Variants in DPP6 observed in about 807,000 individuals in gnomAD.
DPP6 encodes the protein dipeptidyl peptidase like 6.
A neutral mutation model predicts 122.6 loss-of-function variants in DPP6; 69 were observed. The observed-to-expected ratio is 0.56, with a 90% CI of 0.46 to 0.69. The LOEUF is 0.69. DPP6 is among the 30% of genes least tolerant of loss of function. The pLI is 0.00. For missense variants in DPP6, 928 were observed against 1,116.9 expected (o/e 0.83, Z 2.41); for synonymous variants, 418 against 433.1 (o/e 0.97, Z 0.43).
chr7:154,017,624 C>T (rs531308107), intron 1 of DPP6, among the ~76,000 whole-genome samples: 17 of 150,230 alleles, frequency 1.1e-4, no homozygotes, highest in Admixed American at 8.0e-4. Context: ...TGCTTGAGCC[C>T]GGAATTTTAA....
chr7:154,186,334 G>T (rs1022723109), intron 1 of DPP6, among the ~76,000 whole-genome samples: 15 of 152,228 alleles, frequency 9.9e-5, no homozygotes, highest in Non-Finnish European at 1.8e-4. Context: ...TGATGGATCA[G>T]AGTCACTTGT....
chr7:153,955,267 T>C (rs1390592595), intron 1 of DPP6, among the ~76,000 whole-genome samples: 2 of 152,190 alleles, frequency 1.3e-5, no homozygotes, highest in African/African-American at 4.8e-5. Context: ...AATATTTGTC[T>C]AGATGGCTTC....
chr7:154,254,336 A>G (rs893067094), intron 1 of DPP6, among the ~76,000 whole-genome samples: 3 of 152,218 alleles, frequency 2.0e-5, no homozygotes, highest in Admixed American at 6.5e-5. Flanking sequence ...CCAAATCTAA[A>G]GAATTTCACT....
At chr7:153,864,096 A>G in the DPP6 span, among the ~76,000 whole-genome samples, 3 of 152,100 alleles carry the variant, frequency 2.0e-5, no homozygotes, top group African/African-American at 7.2e-5. Context: ...TTGGGTATAT[A>G]CTCAGGATTG....
At chr7:154,484,791 T>C (rs1179227678) in intron 3 of DPP6, among the ~76,000 whole-genome samples, 1 of 152,186 alleles carries the variant, frequency 6.6e-6, no homozygotes, top group African/African-American at 2.4e-5. Flanking sequence ...GACTGTAAAA[T>C]TGAAGAAAAT....
intron 1 of DPP6, among the ~76,000 whole-genome samples, chr7:154,066,558 G>A (rs1356757358): frequency 2.0e-5 from 3 of 152,192 alleles, no homozygotes; most frequent in Non-Finnish European, 4.4e-5. Flanking sequence ...GGCAGCTTAA[G>A]TGGTGGGAGG....
At chr7:154,293,646 C>G (rs932397470) in intron 1 of DPP6, among the ~76,000 whole-genome samples, 1 of 152,076 alleles carries the variant, frequency 6.6e-6, no homozygotes, top group African/African-American at 2.4e-5. Context: ...TAAATGTTTT[C>G]TAGTTCATGT....
chr7:154,550,814 G>A (rs1032358941), intron 4 of DPP6, among the ~76,000 whole-genome samples: 3 of 148,080 alleles, frequency 2.0e-5, no homozygotes, highest in African/African-American at 7.5e-5. Context: ...GCAATGGCGC[G>A]ATCTCGGCTC....
chr7:154,428,314 C>CT (rs1563653232), intron 1 of DPP6, among the ~76,000 whole-genome samples: 1 of 152,100 alleles, frequency 6.6e-6, no homozygotes, highest in South Asian at 2.1e-4. Context: ...TGGATGTCTT[C>CT]TTTTTTAGCA....
intron 4 of DPP6, among the ~76,000 whole-genome samples, chr7:154,543,893 C>G (rs954174520): frequency 6.6e-6 from 1 of 150,588 alleles, no homozygotes; most frequent in African/African-American, 2.4e-5. Context: ...ACTTGGGAAG[C>G]CGAGGCAAGA....
At chr7:153,875,243 G>C in the DPP6 span, among the ~76,000 whole-genome samples, 1 of 152,178 alleles carries the variant, frequency 6.6e-6, no homozygotes, top group African/African-American at 2.4e-5. Flanking sequence ...TGCCAAAATA[G>C]AACTCCATAT....
the DPP6 span, among the ~76,000 whole-genome samples, chr7:153,830,327 G>A: frequency 6.6e-6 from 1 of 152,128 alleles, no homozygotes; most frequent in African/African-American, 2.4e-5. Context: ...TTGGTCATTG[G>A]ATTTTCATTA....
At chr7:154,430,906 TTAA>T (rs1040401411) in intron 1 of DPP6, among the ~76,000 whole-genome samples, 20 of 151,752 alleles carry the variant, frequency 1.3e-4, no homozygotes, top group Non-Finnish European at 2.2e-4. Context: ...TTTCGTTAAG[TTAA>T]GTCTTCCATT....
At chr7:154,004,246 A>G (rs1486489699) in intron 1 of DPP6, among the ~76,000 whole-genome samples, 2 of 152,202 alleles carry the variant, frequency 1.3e-5, no homozygotes, top group Non-Finnish European at 2.9e-5. Context: ...GTCAGTTAGT[A>G]AATCAATCAA....
chr7:154,782,291 A>G (rs1158839917), intron 10 of DPP6, among the ~76,000 whole-genome samples: 1 of 152,184 alleles, frequency 6.6e-6, no homozygotes, highest in Non-Finnish European at 1.5e-5. Context: ...TTTTGGTATC[A>G]TGCTCTTTTT....
intron 5 of DPP6, chr7:154,587,891 T>A (rs1563899544): frequency 6.2e-7 from 1 of 1,612,772 alleles, no homozygotes; most frequent in Non-Finnish European, 8.5e-7. Context: ...AGACCCTGGC[T>A]GGAGGATTGC....
At chr7:154,240,025 A>G (rs1298868640) in intron 1 of DPP6, among the ~76,000 whole-genome samples, 17 of 128,332 alleles carry the variant, frequency 1.3e-4, no homozygotes, top group Admixed American at 3.9e-4. Context: ...AAAAAAAAAA[A>G]AAAAAAAAAA....
At chr7:154,778,437 T>C (rs1796717934) in intron 10 of DPP6, among the ~76,000 whole-genome samples, 1 of 151,868 alleles carries the variant, frequency 6.6e-6, no homozygotes, top group Admixed American at 6.6e-5. Context: ...AACTCAGCCT[T>C]CTCTCTTTCC....
At chr7:154,063,047 ACCCCCC>A (rs1802245530) in intron 1 of DPP6, among the ~76,000 whole-genome samples, 1 of 126,042 alleles carries the variant, frequency 7.9e-6, no homozygotes, top group South Asian at 2.9e-4. Context: ...AGGGGGAGGC[ACCCCCC>A]ACGAGAGTGG....
Sources: allele counts gnomAD v4.1 joint callset (sites outside exome capture counted in the v4.1 genomes callset), GRCh38; gene constraint gnomAD v4.1.1; transcripts MANE v1.5; gene names NCBI Gene and HGNC (gene_info 2026-07-23, HGNC 2026-07-21).